Variants in VPS13A observed in about 807,000 individuals in gnomAD.
VPS13A encodes the protein vacuolar protein sorting 13 homolog A.
Under a neutral mutation model 390.9 loss-of-function variants are expected in VPS13A, and 264 were observed. The ratio of observed to expected loss-of-function variants is 0.68; its 90% CI spans 0.61 to 0.75. The LOEUF (loss-of-function observed/expected upper bound fraction) is 0.75, where lower values mean the gene tolerates loss of function less well. VPS13A is among the 30% of genes least tolerant of loss of function. The pLI is 0.00. For synonymous variants in VPS13A, 1,231 were observed against 1,227.1 expected, an observed-to-expected ratio of 1.00 and a Z score of -0.07; for missense variants, 3,409 against 3,733.9, an observed-to-expected ratio of 0.91 and a Z score of 2.27.
chr9:77,177,794 C>T lies in VPS13A; in HGVS notation c.90C>T (p.Gly30=). 4.3e-6 allele frequency: 7 copies of T among 1,612,952 alleles called. No homozygotes were observed. The highest frequency in any genetic ancestry group is 5.1e-6 in the Non-Finnish European group (6 of 1,179,456). ...VDLDTSQLSL[G]IWKGAVALKN... ...TGGACACGTCCCAGCTCTCTCTGGG[C>T]ATCTGGAAAGGTAAGGAGGCCGCCG... The change falls in exon 1 of 72, where the codon GGC becomes GGT. Residue 30 remains glycine (G), a synonymous_variant. Transcript: ENST00000360280.
chr9:77,210,151 C>G (rs530852017), intron 6 of VPS13A, among the ~76,000 whole-genome samples: 5 of 120,750 alleles, frequency 4.1e-5, no homozygotes, highest in Non-Finnish European at 6.8e-5. Flanking sequence ...CCCTTCCTCC[C>G]CCCACCTCCC....
Position 77,274,421 on chromosome 9 carries a change from C to T in VPS13A, c.2512+1057C>T, listed in dbSNP as rs1322020938. On this transcript the variant is annotated intron_variant, in intron 24 of 71. Coordinates refer to ENST00000360280, the MANE Select transcript of VPS13A (RefSeq NM_033305.3). ...CCAGCCTGGTGACAGAGCGAGAGTC[C>T]GAATCAAAAAAAAAAAAAAAAAAAA... Among the ~76,000 whole-genome samples, 5 of 115,920 alleles carry T rather than the reference C, an allele frequency of 4.3e-5. No individual in the cohort carries two copies. In the East Asian group the frequency reaches 6.9e-4, roughly 16 times the overall value. 76.0% of individuals were successfully genotyped at this position (115,920 alleles called of 152,430 possible). A position where few individuals can be genotyped will look rare whatever the true frequency, so the allele number is the denominator to read the frequency against.
rs112988838 is a variant in VPS13A at position 77,316,626 on chromosome 9, T to G, written c.4863+220T>G. 2.2e-3 allele frequency among the ~76,000 whole-genome samples: 328 copies of G among 152,238 alleles called. 1 individual carries two copies. Among genetic ancestry groups the G allele is most frequent in the African/African-American group, 7.5e-3 (311 of 41,570 alleles). ...ATTGTTAGTATTTGTGGGAATATTG[T>G]CACTAAGAAGTTGGGTTCATCTTGA... On this transcript the variant is annotated intron_variant, in intron 39 of 71. Transcript: ENST00000360280.
intron 71 of VPS13A, among the ~76,000 whole-genome samples, chr9:77,409,849 G>C (rs1262783836): frequency 6.6e-6 from 1 of 151,300 alleles, no homozygotes; most frequent in East Asian, 2.0e-4. Flanking sequence ...GGGGAGAATG[G>C]AACCAAGTTG....
At chr9:77,390,694 G>A (rs1208946882) in intron 68 of VPS13A, among the ~76,000 whole-genome samples, 1 of 123,316 alleles carries the variant, frequency 8.1e-6, no homozygotes, top group Non-Finnish European at 1.6e-5. Flanking sequence ...GTTGTTTGTT[G>A]TTGAGACAAG....
chr9:77,376,347 G>A (rs1303076992), intron 67 of VPS13A, among the ~76,000 whole-genome samples: 1 of 152,168 alleles, frequency 6.6e-6, no homozygotes, highest in Non-Finnish European at 1.5e-5. Context: ...AAGGTTTCAA[G>A]CCAGAGAAAT....
intron 52 of VPS13A, among the ~76,000 whole-genome samples, chr9:77,347,023 A>C (rs535563472): frequency 6.6e-6 from 1 of 152,116 alleles, no homozygotes; most frequent in Non-Finnish European, 1.5e-5. Flanking sequence ...TGGTTTCTCT[A>C]TTCTGTTCCA....
intron 9 of VPS13A, among the ~76,000 whole-genome samples, 182 bp downstream of exon 9, chr9:77,213,496 TC>T (rs1375663181): frequency 6.9e-6 from 1 of 144,590 alleles, no homozygotes; most frequent in Non-Finnish European, 1.5e-5. Flanking sequence ...TACCCCCATA[TC>T]TTTTTTTTTT....
chr9:77,194,807 C>G (rs1014934828), intron 1 of VPS13A, among the ~76,000 whole-genome samples: 3 of 152,020 alleles, frequency 2.0e-5, no homozygotes, highest in Non-Finnish European at 4.4e-5. Flanking sequence ...CTCTCAGTGC[C>G]TTCCTTCCAA....
At chr9:77,225,145 TTGTC>T (rs1261023479) in intron 13 of VPS13A, among the ~76,000 whole-genome samples, 1 of 152,214 alleles carries the variant, frequency 6.6e-6, no homozygotes, top group East Asian at 1.9e-4. Context: ...ACCAAAACAT[TTGTC>T]TGACACTTGC....
intron 32 of VPS13A, 69 bp from the exon 33 acceptor site, chr9:77,295,473 A>T: frequency 1.5e-6 from 2 of 1,319,820 alleles, no homozygotes; most frequent in Admixed American, 5.8e-5. Context: ...TAAAACCATA[A>T]ATATCAATAT....
At position 77,295,844 on chromosome 9, in the gene VPS13A, C is replaced by G. The variant is rs1827962346; in HGVS notation, c.3810C>G (p.Tyr1270Ter). The G allele has an allele frequency of 3.1e-6, 5 of 1,613,236 alleles. No homozygotes were observed. Among genetic ancestry groups the G allele is most frequent in the Non-Finnish European group, 4.2e-6 (5 of 1,179,848 alleles). ...ITIKLSEMRL[Y>*]RSRFINDAYQ... is the part of the protein sequence containing the mutation. ...TAAAGCTGAGTGAAATGCGACTATACAGGTAAGCTTTTCACAAGTATATTT... is the reference window on the plus strand; with the variant it reads ...TAAAGCTGAGTGAAATGCGACTATAGAGGTAAGCTTTTCACAAGTATATTT... The change falls in exon 33 of 72, where the codon TAC becomes TAG. Residue 1270 changes from tyrosine (Y) to a stop codon, truncating the protein, a stop_gained and splice_region_variant. Coordinates refer to ENST00000360280, the MANE Select transcript of VPS13A (RefSeq NM_033305.3). LOFTEE classifies it high-confidence loss of function.
intron 37 of VPS13A, among the ~76,000 whole-genome samples, chr9:77,315,011 A>G (rs11145383): frequency 1.3e-3 from 197 of 152,314 alleles, no homozygotes; most frequent in African/African-American, 4.6e-3. Flanking sequence ...AAAAGAAAAA[A>G]TATCCTGAGA....
chr9:77,271,673 G>C (rs1047374235), intron 23 of VPS13A, among the ~76,000 whole-genome samples: 1 of 152,158 alleles, frequency 6.6e-6, no homozygotes, highest in Non-Finnish European at 1.5e-5. Context: ...ATTGAGTGTA[G>C]GGGGAGCTTC....
intron 26 of VPS13A, among the ~76,000 whole-genome samples, chr9:77,276,689 A>G (rs1256337716): frequency 6.6e-6 from 1 of 152,160 alleles, no homozygotes; most frequent in Non-Finnish European, 1.5e-5. Flanking sequence ...GACAAAATTC[A>G]TTTACACATG....
intron 3 of VPS13A, among the ~76,000 whole-genome samples, chr9:77,202,288 G>C (rs1438955744): frequency 6.6e-6 from 1 of 152,072 alleles, no homozygotes; most frequent in Non-Finnish European, 1.5e-5. Context: ...TTTACTGTAA[G>C]AGGGGGAGAA....
intron 42 of VPS13A, among the ~76,000 whole-genome samples, chr9:77,320,684 A>G (rs546183701): frequency 6.6e-6 from 1 of 152,232 alleles, no homozygotes; most frequent in Non-Finnish European, 1.5e-5. Context: ...TAGAATACAC[A>G]TGGTCAGCAG....
At chr9:77,278,330 C>G (rs1378975134) in intron 26 of VPS13A, among the ~76,000 whole-genome samples, 1 of 150,816 alleles carries the variant, frequency 6.6e-6, no homozygotes, top group Non-Finnish European at 1.5e-5. Context: ...GCCTTGGCCT[C>G]CCAAAGTGCT....
At position 77,229,226 on chromosome 9, in the gene VPS13A, G is replaced by C. The variant is rs763826124; in HGVS notation, c.1595+962G>C. On this transcript the variant is annotated intron_variant, in intron 17 of 71. Transcript: ENST00000360280. ...CCTGAGTAGCCGTGACTACAGGCGC[G>C]AGCCACCAACACCTTGCTAATTTTT... is the stretch of plus-strand genomic sequence containing the variant. Among the ~76,000 whole-genome samples the C allele has an allele frequency of 4.6e-4, 70 of 151,782 alleles. 1 individual carries two copies. Among genetic ancestry groups the C allele is most frequent in the Admixed American group, 4.6e-3 (70 of 15,212 alleles).
Sources: gnomAD v4.1 joint callset for allele counts (sites outside exome capture counted in the v4.1 genomes callset) on GRCh38, gnomAD v4.1.1 for gene constraint, MANE v1.5 for transcripts, NCBI Gene and HGNC (gene_info 2026-07-23, HGNC 2026-07-21) for gene names.